The following FRK variants were observed in gnomAD, a reference collection of about 807,000 sequenced individuals.
FRK encodes tyrosine-protein kinase FRK.
FRK carries 51 observed loss-of-function variants against 56.4 expected under a neutral mutation model. That is an observed-to-expected ratio of 0.90 (90% CI 0.72 to 1.14). The LOEUF is 1.14. Among genes scored for constraint, FRK ranks in the 50% most tolerant of loss-of-function variants. FRK has a pLI of 0.00. For synonymous variants in FRK, 245 were observed against 217.9 expected (o/e 1.12, Z -1.10); for missense variants, 570 against 601.4 (o/e 0.95, Z 0.55).
chr6:116,098,099 GC>G, the FRK span, among the ~76,000 whole-genome samples: 238 of 106,928 alleles, frequency 2.2e-3, 2 homozygotes, highest in African/African-American at 7.0e-3. Context: ...CTTACAGACA[GC>G]TTTTTTTTTT....
At chr6:115,988,300 T>C (rs932779763) in intron 2 of FRK, among the ~76,000 whole-genome samples, 4 of 152,084 alleles carry the variant, frequency 2.6e-5, no homozygotes, top group African/African-American at 9.7e-5. Flanking sequence ...ATTTCATTCA[T>C]TTTTATATCA....
chr6:116,052,556 T>C (rs942513980), intron 1 of FRK, among the ~76,000 whole-genome samples: 2 of 151,806 alleles, frequency 1.3e-5, no homozygotes, highest in Admixed American at 6.6e-5. Flanking sequence ...CTGCAGAAAA[T>C]AAATTAGCAG....
In FRK at chr6:115,958,631, A is replaced by AAAGG. The variant is rs1472288072; in HGVS notation, c.800-2025_800-2022dup. On this transcript the variant is annotated intron_variant, in intron 4 of 7. Coordinates refer to ENST00000606080, the MANE Select transcript of FRK (RefSeq NM_002031.3). The stretch of plus-strand genomic sequence containing the variant: ...AAATAGAGTGAGACTCTGTCTCAAA[A>AAAGG]AAGGAAAGAAAGAAAAGAAAGAAAG... 3.5e-3 allele frequency among the ~76,000 whole-genome samples: 27 copies of AAAGG among 7,736 alleles called. 1 individual carries two copies. Among genetic ancestry groups the AAAGG allele is most frequent in the Non-Finnish European group, 0.02 (21 of 1,068 alleles). 5.1% of individuals were successfully genotyped at this position (7,736 alleles called of 152,430 possible). A position where few individuals can be genotyped will look rare whatever the true frequency, so the allele number is the denominator to read the frequency against.
At chr6:116,070,253 T>G in the FRK span, among the ~76,000 whole-genome samples, 1 of 152,076 alleles carries the variant, frequency 6.6e-6, no homozygotes, top group Non-Finnish European at 1.5e-5. Context: ...CACAGCTGCT[T>G]CTTCTCAAAA....
chr6:116,034,119 T>G (rs1383721269), intron 1 of FRK, among the ~76,000 whole-genome samples: 1 of 152,146 alleles, frequency 6.6e-6, no homozygotes, highest in Non-Finnish European at 1.5e-5. Context: ...ATTCATGGGA[T>G]GAACAGAGGT....
chr6:115,943,398 T>G (rs932236343), intron 6 of FRK, among the ~76,000 whole-genome samples: 1 of 150,084 alleles, frequency 6.7e-6, no homozygotes, highest in Non-Finnish European at 1.5e-5. Context: ...TTTAAGAGCC[T>G]ACTATGTGCC....
intron 1 of FRK, among the ~76,000 whole-genome samples, chr6:116,035,170 C>T (rs1776429820): frequency 6.6e-6 from 1 of 151,924 alleles, no homozygotes; most frequent in Non-Finnish European, 1.5e-5. Flanking sequence ...GATTCGTGTG[C>T]AGTAATCAGA....
At chr6:116,081,244 A>G in the FRK span, among the ~76,000 whole-genome samples, 1 of 152,222 alleles carries the variant, frequency 6.6e-6, no homozygotes, top group Non-Finnish European at 1.5e-5. Flanking sequence ...CAGCCAAACC[A>G]TACCAGATAT....
chr6:116,060,429 G>A lies in FRK; in HGVS notation c.-118C>T. 1.3e-6 allele frequency: 1 copy of A among 755,228 alleles called. No homozygotes were observed. The highest frequency in any genetic ancestry group is 2.2e-6 in the Non-Finnish European group (1 of 464,344). 46.8% of individuals were successfully genotyped at this position (755,228 alleles called of 1,614,324 possible). On this transcript the variant is annotated 5_prime_UTR_variant, in exon 1 of 8. Transcript: ENST00000606080. ...GTCAGCACCAACTCACCATACTTCG[G>A]AGAGTATGCAAAGTCCCGTTTCAGA...
At chr6:116,039,328 C>A (rs1776623074) in intron 1 of FRK, 3 of 1,420,024 alleles carry the variant, frequency 2.1e-6, no homozygotes, top group Non-Finnish European at 3.0e-6. Context: ...AGAATGGTGT[C>A]CAACATCTCT....
Position 115,943,163 on chromosome 6 carries a change from T to C in FRK, c.1163A>G (p.Glu388Gly). Residue 388 changes from glutamate (E) to glycine (G), a missense_variant, in exon 7 of 8, where the codon GAA (glutamate) becomes GGA (glycine). Physicochemically the swap from Glu to Gly is moderately conservative, Grantham distance 98. Coordinates refer to ENST00000606080, the MANE Select transcript of FRK (RefSeq NM_002031.3). The stretch of plus-strand genomic sequence containing the variant: ...CGGCAGCTTTATTTCGTGTCTAGAT[T>C]CATAGATGTCTTCATTATCTACCTG... ...VFKVDNEDIY[E>G]SRHEIKLPVK... 1 of 1,611,152 alleles carries C rather than the reference T, an allele frequency of 6.2e-7. No homozygotes were observed. The highest frequency in any genetic ancestry group is 1.1e-5 in the South Asian group (1 of 90,670).
chr6:116,082,127 G>C, the FRK span, among the ~76,000 whole-genome samples: 3 of 152,200 alleles, frequency 2.0e-5, no homozygotes, highest in African/African-American at 7.2e-5. Flanking sequence ...ACCGCTGAAA[G>C]ATCTCTGAAG....
At chr6:116,091,341 A>G in the FRK span, among the ~76,000 whole-genome samples, 2 of 152,180 alleles carry the variant, frequency 1.3e-5, no homozygotes, top group Non-Finnish European at 2.9e-5. Flanking sequence ...CAAATAAGGG[A>G]ATAAAAGCTG....
chr6:116,011,130 C>T (rs2114712362), intron 1 of FRK, among the ~76,000 whole-genome samples: 1 of 152,228 alleles, frequency 6.6e-6, no homozygotes, highest in South Asian at 2.1e-4. Flanking sequence ...TCAACATTTA[C>T]ATAAGATAAA....
chr6:116,043,655 C>A (rs2114795562), intron 1 of FRK, among the ~76,000 whole-genome samples: 1 of 152,112 alleles, frequency 6.6e-6, no homozygotes, highest in African/African-American at 2.4e-5. Flanking sequence ...AAAATTGACA[C>A]CCTAACATTG....
rs34026302 is a variant in FRK at position 115,953,180 on chromosome 6, A to ACTTTTT, written c.958+3271_958+3272insAAAAAG. Among the ~76,000 whole-genome samples the ACTTTTT allele has an allele frequency of 2.2e-3, 228 of 104,060 alleles. 76 individuals carry two copies. The highest frequency in any genetic ancestry group is 2.8e-3 in the African/African-American group (76 of 27,252). 68.3% of individuals were successfully genotyped at this position (104,060 alleles called of 152,430 possible). On this transcript the variant is annotated intron_variant, in intron 5 of 7. Coordinates refer to ENST00000606080, the MANE Select transcript of FRK (RefSeq NM_002031.3). ...AGAGTGGTACATCCATTTTAAGGCCATTTTTTTTTTTTTTTTTTTTTTTTT... is the reference window on the plus strand; with the variant it reads ...AGAGTGGTACATCCATTTTAAGGCCACTTTTTTTTTTTTTTTTTTTTTTTTTTTTTT...
rs777585898 is a variant in FRK at position 116,003,980 on chromosome 6, G to T, written c.363C>A (p.Ile121=). 5 of 1,611,984 alleles carry T rather than the reference G, an allele frequency of 3.1e-6. No individual in the cohort carries two copies. Among genetic ancestry groups the T allele is most frequent in the South Asian group, 1.1e-5 (1 of 90,972 alleles). ...GTTGTTTCTCTGCATCTGATCTTCC[G>T]ATTGCTCCAAAGAACCACCTAAAAA... ...LQAEPWFFGA[I]GRSDAEKQLL... is the part of the protein sequence containing the mutation. Residue 121 remains isoleucine, a synonymous_variant, in exon 2 of 8, where the codon ATC becomes ATA. Transcript: ENST00000606080.
chr6:116,024,528 T>C (rs1388750243), intron 1 of FRK, among the ~76,000 whole-genome samples: 1 of 151,994 alleles, frequency 6.6e-6, no homozygotes, highest in Admixed American at 6.6e-5. Context: ...TGGTTTTTTG[T>C]TCTTGCGATA....
rs149599030 is a variant in FRK, at chr6:115,967,435, C to T, written c.799+116G>A. On this transcript the variant is annotated intron_variant, in intron 4 of 7. Transcript: ENST00000606080. ...GGGTCACCTGGGCTAGAGACAATGA[C>T]CACAACACCTGCTTGCTGCCAGTAT... is the stretch of plus-strand genomic sequence containing the variant. The T allele has an allele frequency of 1.4e-4, 143 of 992,224 alleles. No individual in the cohort carries two copies. In the African/African-American group the frequency reaches 2.0e-3, roughly 14 times the overall value. 61.5% of individuals were successfully genotyped at this position (992,224 alleles called of 1,614,324 possible). A position where few individuals can be genotyped will look rare whatever the true frequency, so the allele number is the denominator to read the frequency against.
Sources: gnomAD v4.1 joint callset for allele counts (sites outside exome capture counted in the v4.1 genomes callset) on GRCh38, gnomAD v4.1.1 for gene constraint, MANE v1.5 for transcripts, NCBI Gene and HGNC (gene_info 2026-07-23, HGNC 2026-07-21) for gene names.